Variants in PPM1H observed in about 807,000 individuals in gnomAD.
PPM1H encodes the protein protein phosphatase 1H.
PPM1H carries 27 observed loss-of-function variants against 54.9 expected under a neutral mutation model. That is an observed-to-expected ratio of 0.49 (90% confidence interval 0.36 to 0.68). The LOEUF (loss-of-function observed/expected upper bound fraction) is 0.68, where lower values mean the gene tolerates loss of function less well. Among genes scored for constraint, PPM1H ranks in the 30% least tolerant of loss-of-function variants. The pLI is 0.00. For missense variants in PPM1H, 596 were observed against 667.8 expected, an observed-to-expected ratio of 0.89 and a Z score of 1.19; for synonymous variants, 305 against 270.8, an observed-to-expected ratio of 1.13 and a Z score of -1.24.
chr12:62,891,018 A>C (rs1870775569), intron 1 of PPM1H, among the ~76,000 whole-genome samples: 1 of 149,140 alleles, frequency 6.7e-6, no homozygotes, highest in Non-Finnish European at 1.5e-5. Context: ...CTGAGACAGG[A>C]GAATCGCTTG....
At chr12:62,862,898 AT>A (rs1448962270) in intron 1 of PPM1H, among the ~76,000 whole-genome samples, 1 of 152,216 alleles carries the variant, frequency 6.6e-6, no homozygotes, top group East Asian at 1.9e-4. Flanking sequence ...AATTCAATAC[AT>A]TTTTAAATGG....
intron 5 of PPM1H, 135 bp from the exon 6 acceptor site, chr12:62,720,424 T>C (rs1402379743): frequency 3.1e-6 from 2 of 635,940 alleles, no homozygotes; most frequent in South Asian, 2.0e-5. Context: ...TTTAAGTAAA[T>C]AGATTTCAGA....
chr12:62,828,410 T>C (rs1868313281), intron 2 of PPM1H, among the ~76,000 whole-genome samples: 1 of 152,214 alleles, frequency 6.6e-6, no homozygotes, highest in Non-Finnish European at 1.5e-5. Context: ...TGTCTTTCAA[T>C]TGTCCAGAAC....
intron 2 of PPM1H, among the ~76,000 whole-genome samples, chr12:62,820,174 C>T (rs988012769): frequency 6.6e-6 from 1 of 152,186 alleles, no homozygotes; most frequent in African/African-American, 2.4e-5. Context: ...TGAGATCAAC[C>T]GGTGAGGCAG....
In PPM1H at chr12:62,693,899, C is replaced by A. The variant is rs754512821; in HGVS notation, c.1137+37G>T. 3.2e-6 allele frequency: 5 copies of A among 1,580,178 alleles called. No homozygotes were observed. In the East Asian group the frequency reaches 1.1e-4, roughly 36 times the overall value. ...ATGTGGAGCGAAGGCGGGACAGAGC[C>A]CTGTCCTCTCTACCCAGGGGAAGCA... On this transcript the variant is annotated intron_variant, in intron 7 of 9. Coordinates refer to ENST00000228705, the MANE Select transcript of PPM1H (RefSeq NM_020700.2).
In PPM1H at chr12:62,655,195, C is replaced by G. The variant is rs191360660; in HGVS notation, c.1398-6559G>C. On this transcript the variant is annotated intron_variant, in intron 9 of 9. Coordinates refer to ENST00000228705, the MANE Select transcript of PPM1H (RefSeq NM_020700.2). ...CATAGATTCATTAACTCAACACAACCCCGGGGACTCAGCTCTTGGGAGAAG... is the reference window on the plus strand; with the variant it reads ...CATAGATTCATTAACTCAACACAACGCCGGGGACTCAGCTCTTGGGAGAAG... Among the ~76,000 whole-genome samples the G allele has an allele frequency of 5.3e-5, 8 of 152,286 alleles. No homozygotes were observed. In the East Asian group the frequency reaches 1.2e-3, roughly 22 times the overall value.
intron 9 of PPM1H, among the ~76,000 whole-genome samples, chr12:62,662,246 T>A (rs1282512297): frequency 2.6e-5 from 4 of 152,226 alleles, no homozygotes; most frequent in Admixed American, 1.3e-4. Context: ...AACTGGCAGG[T>A]GGCTTTGCAA....
chr12:62,714,303 T>C (rs2120435728), intron 6 of PPM1H, among the ~76,000 whole-genome samples: 1 of 152,276 alleles, frequency 6.6e-6, no homozygotes, highest in East Asian at 1.9e-4. Flanking sequence ...AGAATGGAAA[T>C]TTCTCTTTGC....
Position 62,718,034 on chromosome 12 carries a change from A to G in PPM1H, c.1073+2137T>C, listed in dbSNP as rs191287477. 7.9e-5 allele frequency among the ~76,000 whole-genome samples: 12 copies of G among 152,310 alleles called. No homozygotes were observed. In the East Asian group the frequency reaches 2.3e-3, roughly 29 times the overall value. On this transcript the variant is annotated intron_variant, in intron 6 of 9. Coordinates refer to ENST00000228705, the MANE Select transcript of PPM1H (RefSeq NM_020700.2). ...TAGGTACAGCCTTGCCTCAAGCTCA[A>G]TCTGCTTTAAATGTGCACATCAACT...
intron 8 of PPM1H, among the ~76,000 whole-genome samples, chr12:62,679,479 C>T (rs1196968227): frequency 1.3e-5 from 2 of 152,178 alleles, no homozygotes; most frequent in African/African-American, 4.8e-5. Context: ...ACAAAGTATC[C>T]TTAGAACTCC....
intron 8 of PPM1H, among the ~76,000 whole-genome samples, chr12:62,676,712 C>A (rs1377694578): frequency 6.6e-6 from 1 of 152,062 alleles, no homozygotes; most frequent in Non-Finnish European, 1.5e-5. Context: ...ACTTTGGTCG[C>A]CACCGAGCAT....
chr12:62,659,201 G>A (rs2075865931), intron 9 of PPM1H: 1 of 683,150 alleles, frequency 1.5e-6, no homozygotes, highest in Non-Finnish European at 2.7e-6. Flanking sequence ...CCAATGCCAG[G>A]CTGTGCAGCG....
intron 9 of PPM1H, among the ~76,000 whole-genome samples, chr12:62,658,428 C>A (rs2075860094): frequency 6.6e-6 from 1 of 152,030 alleles, no homozygotes; most frequent in Non-Finnish European, 1.5e-5. Context: ...TAAGCGTCTT[C>A]TTCTCTGAGT....
chr12:62,931,893 A>T (rs1449243579), intron 1 of PPM1H, among the ~76,000 whole-genome samples: 2 of 152,202 alleles, frequency 1.3e-5, no homozygotes, highest in Non-Finnish European at 2.9e-5. Context: ...GAATACTGTT[A>T]ATGACATAGT....
intron 4 of PPM1H, among the ~76,000 whole-genome samples, chr12:62,747,692 C>T (rs1359092888): frequency 6.6e-6 from 1 of 152,194 alleles, no homozygotes; most frequent in African/African-American, 2.4e-5. Context: ...CCCTTCTGCC[C>T]TCTCAAGGTA....
intron 5 of PPM1H, among the ~76,000 whole-genome samples, chr12:62,736,469 A>C (rs183777624): frequency 6.6e-6 from 1 of 152,254 alleles, no homozygotes; most frequent in Admixed American, 6.5e-5. Flanking sequence ...GAAAGATTGA[A>C]GTACTGTTTT....
Position 62,646,215 on chromosome 12 carries a change from A to C in PPM1H, c.*2274T>G, listed in dbSNP as rs994015874. 6.6e-6 allele frequency: 1 copy of C among 152,166 alleles called. No homozygotes were observed. The highest frequency in any genetic ancestry group is 1.5e-5 in the Non-Finnish European group (1 of 68,038). 9.4% of individuals were successfully genotyped at this position (152,166 alleles called of 1,614,324 possible). On this transcript the variant is annotated 3_prime_UTR_variant, in exon 10 of 10. Transcript: ENST00000228705. ...AGGACTAAGTGCTCAAGATTTTATA[A>C]TATTTCGATTTAGAGGTTTCTAGAG...
At chr12:62,850,717 AT>A (rs1170132943) in intron 1 of PPM1H, 4 of 149,144 alleles carry the variant, frequency 2.7e-5, no homozygotes, top group Admixed American at 6.7e-5. Flanking sequence ...ATATATTTAT[AT>A]TTTTTTCTTT....
intron 4 of PPM1H, among the ~76,000 whole-genome samples, chr12:62,762,199 T>C (rs2076513509): frequency 6.6e-6 from 1 of 152,140 alleles, no homozygotes; most frequent in South Asian, 2.1e-4. Context: ...GTCAGGTGAG[T>C]GTGCACAAAG....
Sources: allele counts gnomAD v4.1 joint callset (sites outside exome capture counted in the v4.1 genomes callset), GRCh38; gene constraint gnomAD v4.1.1; transcripts MANE v1.5; gene names NCBI Gene and HGNC (gene_info 2026-07-23, HGNC 2026-07-21).